Variants in ADAMTSL1 observed in about 807,000 individuals in gnomAD.
ADAMTSL1 encodes the protein ADAMTS-like protein 1.
Under a neutral mutation model 201.8 loss-of-function variants are expected in ADAMTSL1, and 126 were observed. The observed-to-expected ratio is 0.62, with a 90% CI of 0.54 to 0.72. The LOEUF is 0.72. Among genes scored for constraint, ADAMTSL1 ranks in the 30% least tolerant of loss-of-function variants. The probability of loss-of-function intolerance (pLI) is 0.00; values close to 1 mark genes in which losing one functional copy is unlikely to be tolerated. For missense variants in ADAMTSL1, 2,679 were observed against 2,277.8 expected, an observed-to-expected ratio of 1.18 and a Z score of -3.59; for synonymous variants, 1,121 against 903.4, an observed-to-expected ratio of 1.24 and a Z score of -4.32.
At chr9:18,549,537 A>G (rs1391215038) in intron 3 of ADAMTSL1, among the ~76,000 whole-genome samples, 1 of 152,050 alleles carries the variant, frequency 6.6e-6, no homozygotes, top group Admixed American at 6.6e-5. Context: ...CCAAAGGGGT[A>G]TGAGAGTGTG....
At position 18,622,364 on chromosome 9, in the gene ADAMTSL1, C is replaced by A. The variant is rs758355970; in HGVS notation, c.596C>A (p.Thr199Asn). The A allele has an allele frequency of 1.9e-6, 3 of 1,613,902 alleles. No individual in the cohort carries two copies. The highest frequency in any genetic ancestry group is 2.5e-6 in the Non-Finnish European group (3 of 1,179,946). ...RGQYKSQLSATKSDDTVVAIP... is the reference protein window; with the variant it reads ...RGQYKSQLSANKSDDTVVAIP... ...CAGTATAAATCCCAGCTCTCCGCAA[C>A]CAAATGTAAGACACACAGAGATGGG... is the stretch of plus-strand genomic sequence containing the variant. Residue 199 changes from threonine to asparagine, a missense_variant, in exon 5 of 29, where the codon ACC (threonine) becomes AAC (asparagine). Coordinates refer to ENST00000380548, the MANE Select transcript of ADAMTSL1 (RefSeq NM_001040272.6).
chr9:18,745,665 T>G (rs1292246727), intron 15 of ADAMTSL1, among the ~76,000 whole-genome samples: 3 of 152,230 alleles, frequency 2.0e-5, no homozygotes, highest in Non-Finnish European at 4.4e-5. Context: ...CATATATGTA[T>G]AGTTGTATAT....
intron 2 of ADAMTSL1, among the ~76,000 whole-genome samples, chr9:18,188,677 C>A (rs1057370638): frequency 6.6e-6 from 1 of 152,090 alleles, no homozygotes; most frequent in East Asian, 1.9e-4. Flanking sequence ...CAGCAAACTG[C>A]CGGGGATATT....
At chr9:18,841,522 G>C (rs1489379849) in intron 23 of ADAMTSL1, among the ~76,000 whole-genome samples, 2 of 152,240 alleles carry the variant, frequency 1.3e-5, no homozygotes, top group East Asian at 3.9e-4. Flanking sequence ...TCTCTGCCCG[G>C]CTTTGGTATC....
chr9:18,082,429 A>G (rs941512866), intron 1 of ADAMTSL1, among the ~76,000 whole-genome samples: 3 of 152,134 alleles, frequency 2.0e-5, no homozygotes, highest in African/African-American at 7.2e-5. Flanking sequence ...CTTCTGCCTC[A>G]GCCTCCCGAG....
intron 2 of ADAMTSL1, among the ~76,000 whole-genome samples, chr9:18,467,614 A>G (rs1386208199): frequency 1.3e-5 from 2 of 152,228 alleles, no homozygotes; most frequent in Non-Finnish European, 2.9e-5. Flanking sequence ...GGCTTTGTGG[A>G]GGAGATGCCA....
At chr9:18,427,181 G>C (rs1819262166) in intron 2 of ADAMTSL1, among the ~76,000 whole-genome samples, 1 of 152,136 alleles carries the variant, frequency 6.6e-6, no homozygotes, top group Admixed American at 6.5e-5. Flanking sequence ...CTAACTAAAA[G>C]TTACTGCACA....
intron 5 of ADAMTSL1, among the ~76,000 whole-genome samples, chr9:18,628,635 T>G (rs1053963857): frequency 2.0e-5 from 3 of 152,192 alleles, no homozygotes; most frequent in African/African-American, 7.2e-5. Flanking sequence ...GATTTTTTTG[T>G]GTTAATTCTA....
At chr9:18,744,233 C>T (rs561901763) in intron 15 of ADAMTSL1, among the ~76,000 whole-genome samples, 1 of 152,252 alleles carries the variant, frequency 6.6e-6, no homozygotes, top group South Asian at 2.1e-4. Flanking sequence ...TTTAGCAGTT[C>T]GCTCATAACT....
chr9:17,917,059 T>G (rs1273005853), intron 1 of ADAMTSL1, among the ~76,000 whole-genome samples: 2 of 152,156 alleles, frequency 1.3e-5, no homozygotes, highest in Non-Finnish European at 2.9e-5. Context: ...TTCCAATTCT[T>G]TTTTTGTTAG....
chr9:18,483,258 T>C (rs931881801), intron 1 of ADAMTSL1, among the ~76,000 whole-genome samples: 5 of 152,226 alleles, frequency 3.3e-5, no homozygotes, highest in African/African-American at 1.2e-4. Context: ...TTGCAGATAA[T>C]TTAATTTAAA....
intron 7 of ADAMTSL1, among the ~76,000 whole-genome samples, chr9:18,652,766 A>G (rs1828376911): frequency 6.6e-6 from 1 of 152,206 alleles, no homozygotes; most frequent in Non-Finnish European, 1.5e-5. Context: ...TTATCAGGAT[A>G]TAACCCCATT....
At chr9:17,984,758 T>A (rs1424835110) in intron 1 of ADAMTSL1, among the ~76,000 whole-genome samples, 1 of 152,140 alleles carries the variant, frequency 6.6e-6, no homozygotes, top group Non-Finnish European at 1.5e-5. Flanking sequence ...CATTTTCCGA[T>A]CATTTAGACC....
At position 18,450,899 on chromosome 9, in the gene ADAMTSL1, C is replaced by CA. The variant is rs558269115; in HGVS notation, c.208-53923dup. On this transcript the variant is annotated intron_variant, in intron 2 of 29. Coordinates refer to the ADAMTSL1 transcript ENST00000680146. The stretch of plus-strand genomic sequence containing the variant: ...CTTCTAAAGCCATGCTTTGCTTTTA[C>CA]AAAAAAATTGTATAAAACAGGGAAA... Among the ~76,000 whole-genome samples, 224 of 152,168 alleles carry CA rather than the reference C, an allele frequency of 1.5e-3. 4 individuals carry two copies. The highest frequency in any genetic ancestry group is 0.015 in the South Asian group (70 of 4,822).
chr9:18,260,167 C>T (rs550091153), intron 2 of ADAMTSL1, among the ~76,000 whole-genome samples: 13 of 152,278 alleles, frequency 8.5e-5, no homozygotes, highest in Admixed American at 6.5e-4. Flanking sequence ...GTTGGCATTG[C>T]GTAGATACCA....
intron 19 of ADAMTSL1, among the ~76,000 whole-genome samples, chr9:18,785,041 A>G (rs953522678): frequency 1.3e-5 from 2 of 152,076 alleles, no homozygotes; most frequent in African/African-American, 4.8e-5. Context: ...GTGCATGCCT[A>G]TAGTCCCAGC....
chr9:18,147,041 T>C (rs1268660362), intron 1 of ADAMTSL1, among the ~76,000 whole-genome samples: 1 of 152,178 alleles, frequency 6.6e-6, no homozygotes, highest in African/African-American at 2.4e-5. Context: ...GTTGTTTAAA[T>C]ATATTTAGGC....
intron 13 of ADAMTSL1, among the ~76,000 whole-genome samples, chr9:18,686,585 G>T (rs1564150786): frequency 1.3e-5 from 2 of 152,148 alleles, no homozygotes; most frequent in Non-Finnish European, 2.9e-5. Context: ...ATCCTATTGG[G>T]TTAAATCTAT....
chr9:17,996,239 C>T (rs1204233607), intron 1 of ADAMTSL1, among the ~76,000 whole-genome samples: 1 of 151,896 alleles, frequency 6.6e-6, no homozygotes, highest in Non-Finnish European at 1.5e-5. Context: ...CACCTCCTGC[C>T]ACCAAGCCTT....
Sources: allele counts gnomAD v4.1 joint callset (sites outside exome capture counted in the v4.1 genomes callset), GRCh38; gene constraint gnomAD v4.1.1; transcripts MANE v1.5; gene names NCBI Gene and HGNC (gene_info 2026-07-23, HGNC 2026-07-21).